The following HTT variants were observed in gnomAD, a reference collection of about 807,000 sequenced individuals.
The protein encoded by HTT is huntingtin, also known as huntington disease protein.
HTT carries 104 observed loss-of-function variants against 362.3 expected under a neutral mutation model. That is an observed-to-expected ratio of 0.29 (90% confidence interval 0.24 to 0.34). HTT has a LOEUF of 0.34. Among genes scored for constraint, HTT ranks in the 10% least tolerant of loss-of-function variants. The pLI, the probability that HTT is intolerant of heterozygous loss-of-function variation, is 1.00. For synonymous variants in HTT, 1,577 were observed against 1,548.7 expected, an observed-to-expected ratio of 1.02 and a Z score of -0.43; for missense variants, 3,301 against 3,928.6, an observed-to-expected ratio of 0.84 and a Z score of 4.27.
intron 51 of HTT, 47 bp from the exon 52 acceptor site, chr4:3,217,718 T>C: frequency 1.3e-6 from 2 of 1,504,916 alleles, no homozygotes; most frequent in Non-Finnish European, 1.8e-6. Context: ...ACTGGGCATA[T>C]AGGATGTGTT....
intron 48 of HTT, 101 bp downstream of exon 48, chr4:3,212,243 C>T (rs1720194015): frequency 1.1e-6 from 1 of 926,592 alleles, no homozygotes; most frequent in South Asian, 1.7e-5. Flanking sequence ...GGATCTAATA[C>T]ATTGAAAGCG....
intron 50 of HTT, 73 bp from the exon 51 acceptor site, chr4:3,215,037 A>G (rs1216622080): frequency 1.6e-6 from 2 of 1,249,184 alleles, no homozygotes; most frequent in East Asian, 2.4e-5. Context: ...GGCTGCACAA[A>G]TGTAAAATGT....
At chr4:3,109,933 G>A (rs1714661457) in intron 6 of HTT, among the ~76,000 whole-genome samples, 1 of 152,176 alleles carries the variant, frequency 6.6e-6, no homozygotes, top group Admixed American at 6.5e-5. Context: ...CTACAGTGTT[G>A]GCTTGTGCTG....
At chr4:3,224,782 G>A (rs1720832466) in intron 56 of HTT, among the ~76,000 whole-genome samples, 2 of 152,226 alleles carry the variant, frequency 1.3e-5, no homozygotes. Context: ...GTTCTATGTG[G>A]ACGTGCAATG....
intron 35 of HTT, among the ~76,000 whole-genome samples, chr4:3,179,659 C>T (rs865858857): frequency 4.5e-5 from 6 of 132,546 alleles, no homozygotes; most frequent in East Asian, 2.3e-4. Flanking sequence ...CTTGTGTGTG[C>T]GTACATGTCA....
At chr4:3,207,230 A>G in intron 44 of HTT, 51 bp from the exon 45 acceptor site, 1 of 1,488,676 alleles carries the variant, frequency 6.7e-7, no homozygotes, top group Non-Finnish European at 9.4e-7. Context: ...GCATGAGGTT[A>G]TTTTGGGTTG....
Position 3,209,646 on chromosome 4 carries a change from CAG to C in HTT, c.6292-179_6292-178del, listed in dbSNP as rs148286449. ...GCTGTGAGGGTGCCCAGGCAGGTAA[CAG>C]AAGTCCAAAGGGGAAAACCTGTGGT... On this transcript the variant is annotated intron_variant, in intron 46 of 66. Transcript: ENST00000355072. 1.2e-3 allele frequency among the ~76,000 whole-genome samples: 190 copies of C among 152,278 alleles called. 1 individual carries two copies. The highest frequency in any genetic ancestry group is 4.5e-3 in the African/African-American group (186 of 41,546).
At chr4:3,203,965 G>A (rs761930049) in intron 41 of HTT, 42 bp from the exon 42 acceptor site, 3 of 1,605,022 alleles carry the variant, frequency 1.9e-6, no homozygotes, top group Admixed American at 3.4e-5. Context: ...TAAGCTCACT[G>A]CCATCCAGAA....
Position 3,217,857 on chromosome 4 carries a change from G to A in HTT, c.7147G>A (p.Gly2383Ser), listed in dbSNP as rs772741144. 51 of 1,614,068 alleles carry A rather than the reference G, an allele frequency of 3.2e-5. No individual in the cohort carries two copies. The highest frequency in any genetic ancestry group is 1.3e-4 in the East Asian group (6 of 44,902). The change falls in exon 52 of 67, where the codon GGC becomes AGC. Residue 2383 changes from glycine (G) to serine (S), a missense_variant. Physicochemically the swap from Gly to Ser is moderately conservative, Grantham distance 56. Around this residue, in one of 4 missense-constraint regions of HTT, gnomAD observed 753 missense variants for 1,021.3 expected, o/e 0.74. Transcript: ENST00000355072. ...GGCCTTGGGTCATAAAAGGAATAGC[G>A]GCGTGCCGGCGTTTCTCACGCCATT... ...VLALGHKRNS[G>S]VPAFLTPLLR...
chr4:3,098,840 A>G (rs1713999533), intron 2 of HTT, among the ~76,000 whole-genome samples: 1 of 152,252 alleles, frequency 6.6e-6, no homozygotes, highest in Non-Finnish European at 1.5e-5. Context: ...GGTTAAGAGT[A>G]AAAGTAAACT....
At chr4:3,154,919 A>C (rs553030438) in intron 27 of HTT, among the ~76,000 whole-genome samples, 7 of 152,128 alleles carry the variant, frequency 4.6e-5, no homozygotes, top group Non-Finnish European at 1.0e-4. Flanking sequence ...AGTTTGGAGG[A>C]CCTTTTTTTA....
chr4:3,081,573 T>C, intron 1 of HTT, among the ~76,000 whole-genome samples: 1 of 145,310 alleles, frequency 6.9e-6, no homozygotes, highest in South Asian at 2.2e-4. Flanking sequence ...TTTTTTTTTT[T>C]TTGAGACGGA....
At chr4:3,225,448 T>G (rs982956275) in intron 56 of HTT, among the ~76,000 whole-genome samples, 3 of 152,238 alleles carry the variant, frequency 2.0e-5, no homozygotes, top group African/African-American at 7.2e-5. Flanking sequence ...AGAGTCCAGC[T>G]TGCCCACTGG....
At chr4:3,106,249 G>A (rs1166164614) in intron 5 of HTT, among the ~76,000 whole-genome samples, 1 of 152,074 alleles carries the variant, frequency 6.6e-6, no homozygotes, top group African/African-American at 2.4e-5. Context: ...ACAGCCACTC[G>A]AGAGGCTGAG....
chr4:3,133,418 C>T (rs61792510), intron 18 of HTT, among the ~76,000 whole-genome samples: 12,100 of 151,528 alleles, frequency 0.08, 611 homozygotes, highest in African/African-American at 0.15. Flanking sequence ...ATTGCTTGAG[C>T]CCCAGAGATC....
chr4:3,151,060 A>G (rs1028436343), intron 26 of HTT, among the ~76,000 whole-genome samples: 2 of 152,016 alleles, frequency 1.3e-5, no homozygotes, highest in Non-Finnish European at 2.9e-5. Context: ...AAAACAAAAA[A>G]AAAAAAAACC....
At position 3,238,892 on chromosome 4, in the gene HTT, C is replaced by T; in HGVS notation, c.9129C>T (p.Phe3043=). 6.2e-7 allele frequency: 1 copy of T among 1,612,258 alleles called. No homozygotes were observed. Among genetic ancestry groups the T allele is most frequent in the Non-Finnish European group, 8.5e-7 (1 of 1,179,694 alleles). The change falls in exon 66 of 67, where the codon TTC becomes TTT. Residue 3043 remains phenylalanine (F), a synonymous_variant. Transcript: ENST00000355072. ...RDWVMLSLSN[F]TQRAPVAMAT... ...GGGTCATGCTGTCCCTCTCCAACTT[C>T]ACGCAGAGGGCCCCGGTCGCCATGG...
Position 3,127,546 on chromosome 4 carries a change from C to G in HTT, c.1685C>G (p.Ser562Cys), listed in dbSNP as rs267600138. 6.2e-7 allele frequency: 1 copy of G among 1,614,134 alleles called. No homozygotes were observed. Among genetic ancestry groups the G allele is most frequent in the Non-Finnish European group, 8.5e-7 (1 of 1,179,980 alleles). The stretch of plus-strand genomic sequence containing the variant: ...GCCTCGTCGCCCATCAGCGACAGCT[C>G]CCAGACCACCACCGAAGGGCCTGAT... The part of the protein sequence containing the change: ...TQASSPISDS[S>C]QTTTEGPDSA... The change falls in exon 12 of 67, where the codon TCC (serine) becomes TGC (cysteine). Residue 562 changes from serine (S) to cysteine (C), a missense_variant. Transcript: ENST00000355072.
At chr4:3,184,938 A>AT (rs1053280526) in intron 37 of HTT, among the ~76,000 whole-genome samples, 1 of 151,856 alleles carries the variant, frequency 6.6e-6, no homozygotes, top group Non-Finnish European at 1.5e-5. Context: ...TAAAGCCAAG[A>AT]TTTTTTTTAA....
Sources: allele counts gnomAD v4.1 joint callset (sites outside exome capture counted in the v4.1 genomes callset), GRCh38; gene constraint gnomAD v4.1.1; regional missense constraint gnomAD v4.1.1; transcripts MANE v1.5; gene names NCBI Gene and HGNC (gene_info 2026-07-23, HGNC 2026-07-21).